The following TBL1XR1 variants were observed in gnomAD, a reference collection of about 807,000 sequenced individuals.
The protein encoded by TBL1XR1 is F-box-like/WD repeat-containing protein TBL1XR1.
TBL1XR1 carries 5 observed loss-of-function variants against 66.9 expected under a neutral mutation model. That is an observed-to-expected ratio of 0.07 (90% CI 0.04 to 0.16). The LOEUF is 0.16. TBL1XR1 is among the 10% of genes least tolerant of loss of function. The pLI, the probability that TBL1XR1 is intolerant of heterozygous loss-of-function variation, is 1.00. For missense variants in TBL1XR1, 238 were observed against 623.2 expected (o/e 0.38, Z 6.58); for synonymous variants, 210 against 206.0 (o/e 1.02, Z -0.17).
chr3:177,043,405 ACCT>A (rs928638410), intron 10 of TBL1XR1, among the ~76,000 whole-genome samples: 5 of 151,670 alleles, frequency 3.3e-5, no homozygotes, highest in South Asian at 2.1e-4. Flanking sequence ...TGTATTAATA[ACCT>A]CCTTTTTCCC....
At chr3:177,039,359 A>C (rs1715257301) in intron 10 of TBL1XR1, among the ~76,000 whole-genome samples, 1 of 152,186 alleles carries the variant, frequency 6.6e-6, no homozygotes, top group African/African-American at 2.4e-5. Flanking sequence ...AGAGTTAGAC[A>C]AATGTTATGC....
chr3:177,058,410 A>G (rs1718080655), intron 3 of TBL1XR1, among the ~76,000 whole-genome samples: 1 of 152,198 alleles, frequency 6.6e-6, no homozygotes, highest in Admixed American at 6.5e-5. Context: ...TTCGTGCCCT[A>G]ATTTTGCCCT....
intron 1 of TBL1XR1, among the ~76,000 whole-genome samples, chr3:177,172,633 A>AAGAGAGAGAG (rs56803746): frequency 0.41 from 48,190 of 116,968 alleles, 11,715 homozygotes; most frequent in Non-Finnish European, 0.53. Flanking sequence ...AGAAAGAGAG[A>AAGAGAGAGAG]AGAGAGAGAG....
chr3:177,162,812 G>A (rs568350905), intron 1 of TBL1XR1, among the ~76,000 whole-genome samples: 13 of 152,248 alleles, frequency 8.5e-5, no homozygotes, highest in South Asian at 4.1e-4. Flanking sequence ...ACAAAAAGAT[G>A]CTCGATCTTA....
At chr3:177,102,271 T>C (rs998021002) in intron 1 of TBL1XR1, among the ~76,000 whole-genome samples, 3 of 152,214 alleles carry the variant, frequency 2.0e-5, no homozygotes, top group African/African-American at 4.8e-5. Context: ...GTTGATGACA[T>C]GGTTAAAAAG....
chr3:177,095,897 G>A (rs901876412), intron 2 of TBL1XR1, among the ~76,000 whole-genome samples: 7 of 152,106 alleles, frequency 4.6e-5, no homozygotes, highest in African/African-American at 1.7e-4. Context: ...TCAGTAAGGG[G>A]AAGAAAAATG....
chr3:177,131,408 T>G (rs1289986433), intron 1 of TBL1XR1: 1 of 985,026 alleles, frequency 1.0e-6, no homozygotes, highest in Non-Finnish European at 1.2e-6. Context: ...AGCTCAATAC[T>G]GCATAAAGTG....
At chr3:177,050,698 C>A in intron 5 of TBL1XR1, 88 bp from the exon 6 acceptor site, 1 of 1,422,800 alleles carries the variant, frequency 7.0e-7, no homozygotes, top group South Asian at 1.2e-5. Context: ...AAATACCTTC[C>A]TTTATCGCAC....
intron 2 of TBL1XR1, among the ~76,000 whole-genome samples, chr3:177,084,237 C>T (rs1036885881): frequency 1.1e-4 from 16 of 152,144 alleles, no homozygotes; most frequent in African/African-American, 3.9e-4. Context: ...ATTGCCAATG[C>T]CTTAGAAAGC....
At chr3:177,152,840 A>G (rs1228727613) in intron 1 of TBL1XR1, among the ~76,000 whole-genome samples, 1 of 152,154 alleles carries the variant, frequency 6.6e-6, no homozygotes, top group African/African-American at 2.4e-5. Flanking sequence ...CTTTCCTAAA[A>G]GCCTGCTTAG....
chr3:177,149,549 C>G (rs1730640755), intron 1 of TBL1XR1, among the ~76,000 whole-genome samples: 1 of 152,168 alleles, frequency 6.6e-6, no homozygotes, highest in Non-Finnish European at 1.5e-5. Context: ...TTGTATTATA[C>G]TAATTCTACA....
intron 1 of TBL1XR1, among the ~76,000 whole-genome samples, chr3:177,128,116 G>A (rs1727861568): frequency 6.6e-6 from 1 of 151,988 alleles, no homozygotes; most frequent in Non-Finnish European, 1.5e-5. Flanking sequence ...CTACTCGGGA[G>A]GCTGAGGCAG....
rs139950059 is a variant in TBL1XR1, at chr3:177,171,657, C to T, written c.-122+25464G>A. ...GGCGGAGCTTGCAGTAAGCCAAGAT[C>T]GCCCCACTGCACTCCAGCCTGGGCA... is the stretch of plus-strand genomic sequence containing the variant. On this transcript the variant is annotated intron_variant, in intron 1 of 15. Coordinates refer to ENST00000457928, the MANE Select transcript of TBL1XR1 (RefSeq NM_024665.7). 5.4e-3 allele frequency among the ~76,000 whole-genome samples: 793 copies of T among 146,848 alleles called. 4 individuals carry two copies. The highest frequency in any genetic ancestry group is 7.0e-3 in the African/African-American group (276 of 39,672).
chr3:177,055,589 T>C (rs1191354426), intron 3 of TBL1XR1, among the ~76,000 whole-genome samples: 6 of 151,548 alleles, frequency 4.0e-5, no homozygotes, highest in Non-Finnish European at 8.8e-5. Context: ...AAGCACCGTT[T>C]TGAATTGTCC....
rs138168373 is a variant in TBL1XR1, at chr3:177,067,666, T to C, written c.-45-2644A>G. On this transcript the variant is annotated intron_variant, in intron 2 of 15. Transcript: ENST00000457928. Reference sequence around the variant, plus strand: ...AAACTGCTATAAACTGATTATTTAATTGATCATAGTGCTATATTAGTTCCC... The same window carrying C: ...AAACTGCTATAAACTGATTATTTAACTGATCATAGTGCTATATTAGTTCCC... Among the ~76,000 whole-genome samples, 13 of 152,326 alleles carry C rather than the reference T, an allele frequency of 8.5e-5. No homozygotes were observed. In the East Asian group the frequency reaches 2.3e-3, roughly 27 times the overall value.
chr3:177,103,008 G>T (rs917812442), intron 1 of TBL1XR1, among the ~76,000 whole-genome samples: 24 of 152,114 alleles, frequency 1.6e-4, no homozygotes, highest in Admixed American at 3.3e-4. Context: ...GAACATACAT[G>T]ATTCTTAAGA....
At chr3:177,164,996 T>G (rs1413705737) in intron 1 of TBL1XR1, among the ~76,000 whole-genome samples, 3 of 152,198 alleles carry the variant, frequency 2.0e-5, no homozygotes, top group Admixed American at 6.5e-5. Context: ...TGTATGATAG[T>G]ACTACATTTT....
At chr3:177,124,505 C>G (rs1246589007) in intron 1 of TBL1XR1, among the ~76,000 whole-genome samples, 2 of 152,032 alleles carry the variant, frequency 1.3e-5, no homozygotes, top group African/African-American at 2.4e-5. Context: ...ATATGTCTAA[C>G]TATTAACTAT....
In TBL1XR1 at chr3:177,188,544, T is replaced by C. The variant is rs563991143; in HGVS notation, c.-122+8577A>G. Among the ~76,000 whole-genome samples the C allele has an allele frequency of 2.0e-5, 3 of 151,916 alleles. No homozygotes were observed. In the East Asian group the frequency reaches 5.9e-4, roughly 30 times the overall value. On this transcript the variant is annotated intron_variant, in intron 1 of 15. Transcript: ENST00000457928. ...CCTGGGCAACAAGAGCAAACCTCCG[T>C]CAAAAAAAAGAAATTACTCTATTAA...
Sources: gnomAD v4.1 joint callset for allele counts (sites outside exome capture counted in the v4.1 genomes callset) on GRCh38, gnomAD v4.1.1 for gene constraint, MANE v1.5 for transcripts, NCBI Gene and HGNC (gene_info 2026-07-23, HGNC 2026-07-21) for gene names.